Variants in GREM2 observed in about 807,000 individuals in gnomAD.
GREM2 encodes gremlin 2, DAN family BMP antagonist, also known as gremlin-2.
GREM2 carries 11 observed loss-of-function variants against 14.2 expected under a neutral mutation model. That is an observed-to-expected ratio of 0.78 (90% CI 0.49 to 1.28). The LOEUF (loss-of-function observed/expected upper bound fraction) is 1.28, where lower values mean the gene tolerates loss of function less well. Among genes scored for constraint, GREM2 ranks in the 50% most tolerant of loss-of-function variants. The pLI, the probability that GREM2 is intolerant of heterozygous loss-of-function variation, is 0.00. For missense variants in GREM2, 210 were observed against 218.5 expected (o/e 0.96, Z 0.24); for synonymous variants, 98 against 97.6 (o/e 1.00, Z -0.02).
At chr1:240,580,798 C>T (rs924726989) in intron 1 of GREM2, among the ~76,000 whole-genome samples, 1 of 152,206 alleles carries the variant, frequency 6.6e-6, no homozygotes, top group Non-Finnish European at 1.5e-5. Flanking sequence ...ATCTTAAACT[C>T]CTCACCTCAA....
intron 1 of GREM2, among the ~76,000 whole-genome samples, chr1:240,598,341 G>A (rs1679859927): frequency 6.6e-6 from 1 of 152,136 alleles, no homozygotes; most frequent in Non-Finnish European, 1.5e-5. Flanking sequence ...GTGGGATTTT[G>A]CATGCTACAC....
chr1:240,520,169 C>A (rs560890684), intron 1 of GREM2, among the ~76,000 whole-genome samples: 1 of 152,292 alleles, frequency 6.6e-6, no homozygotes, highest in South Asian at 2.1e-4. Context: ...AAGGCCAGCT[C>A]AAACTTACTT....
chr1:240,532,336 G>C (rs7547238), intron 1 of GREM2, among the ~76,000 whole-genome samples: 1 of 151,824 alleles, frequency 6.6e-6, no homozygotes, highest in African/African-American at 2.4e-5. Flanking sequence ...CACCTGCCTC[G>C]GCCTCCCAAA....
Position 240,547,528 on chromosome 1 carries a change from T to TAG in GREM2, c.-1-54053_-1-54052insCT, listed in dbSNP as rs1262049155. 4.1e-3 allele frequency among the ~76,000 whole-genome samples: 468 copies of TAG among 113,074 alleles called. 2 individuals carry two copies. Among genetic ancestry groups the TAG allele is most frequent in the East Asian group, 0.017 (65 of 3,756 alleles). The allele number at this position is 113,074 out of a possible 152,430, so 74.2% of individuals were successfully genotyped here. ...AAAAAAAAAAAAATATATATATATA[T>TAG]ATATATAGATAGATAGATAGATAGA... On this transcript the variant is annotated intron_variant, in intron 1 of 1. Coordinates refer to ENST00000318160, the MANE Select transcript of GREM2 (RefSeq NM_022469.4).
At chr1:240,541,492 T>G (rs982716046) in intron 1 of GREM2, among the ~76,000 whole-genome samples, 5 of 152,234 alleles carry the variant, frequency 3.3e-5, no homozygotes, top group African/African-American at 1.2e-4. Flanking sequence ...CTCCTGTACT[T>G]GCCATGTTCA....
intron 1 of GREM2, among the ~76,000 whole-genome samples, chr1:240,519,820 C>A (rs1558146809): frequency 6.6e-6 from 1 of 152,130 alleles, no homozygotes; most frequent in Non-Finnish European, 1.5e-5. Flanking sequence ...GTGGCTCACG[C>A]CTGTAATCCC....
At chr1:240,559,128 T>C (rs1678997248) in intron 1 of GREM2, among the ~76,000 whole-genome samples, 1 of 152,122 alleles carries the variant, frequency 6.6e-6, no homozygotes, top group Non-Finnish European at 1.5e-5. Context: ...AAATGTGACA[T>C]TTCAAACTAT....
chr1:240,496,871 G>A (rs1224299577), intron 1 of GREM2, among the ~76,000 whole-genome samples: 2 of 152,138 alleles, frequency 1.3e-5, no homozygotes, highest in African/African-American at 2.4e-5. Context: ...AATTAGCTGG[G>A]CGTGGTGGCA....
chr1:240,584,951 T>C (rs1286402775), intron 1 of GREM2, among the ~76,000 whole-genome samples: 1 of 152,098 alleles, frequency 6.6e-6, no homozygotes, highest in Non-Finnish European at 1.5e-5. Context: ...ATCCTTTCTG[T>C]CCATCCTTTG....
At chr1:240,509,579 G>T (rs991921800) in intron 1 of GREM2, among the ~76,000 whole-genome samples, 1 of 151,906 alleles carries the variant, frequency 6.6e-6, no homozygotes, top group Non-Finnish European at 1.5e-5. Context: ...TGTTGGTCAG[G>T]CTGGTCTCGA....
intron 1 of GREM2, among the ~76,000 whole-genome samples, chr1:240,573,723 G>C (rs957250536): frequency 1.3e-5 from 2 of 152,080 alleles, no homozygotes; most frequent in African/African-American, 4.8e-5. Flanking sequence ...CTTCCTTTGA[G>C]GACTGTGCTA....
chr1:240,524,951 C>T (rs1678189822), intron 1 of GREM2, among the ~76,000 whole-genome samples: 1 of 152,142 alleles, frequency 6.6e-6, no homozygotes, highest in South Asian at 2.1e-4. Flanking sequence ...GCCTAGTTCT[C>T]ACCTCCTGTC....
intron 1 of GREM2, among the ~76,000 whole-genome samples, chr1:240,522,674 C>T (rs769386405): frequency 3.7e-4 from 56 of 152,270 alleles, no homozygotes; most frequent in Non-Finnish European, 4.6e-4. Context: ...TGACAATTTT[C>T]TCTGGTGTTT....
chr1:240,563,170 AGTGT>A (rs201885420), intron 1 of GREM2, among the ~76,000 whole-genome samples: 16 of 145,412 alleles, frequency 1.1e-4, no homozygotes, highest in African/African-American at 3.9e-4. Flanking sequence ...TGTACGTGTG[AGTGT>A]GTGTATGTGT....
intron 1 of GREM2, among the ~76,000 whole-genome samples, chr1:240,579,681 A>G (rs1490418687): frequency 6.6e-6 from 1 of 152,200 alleles, no homozygotes; most frequent in Non-Finnish European, 1.5e-5. Context: ...GGATTGGACA[A>G]AATGCTCAGG....
intron 1 of GREM2, among the ~76,000 whole-genome samples, chr1:240,523,217 C>G (rs1185651967): frequency 1.3e-5 from 2 of 152,128 alleles, no homozygotes; most frequent in Non-Finnish European, 2.9e-5. Flanking sequence ...CTCAGCCTCC[C>G]GAGTAGCTGG....
At chr1:240,593,422 T>G (rs938725704) in intron 1 of GREM2, among the ~76,000 whole-genome samples, 3 of 151,752 alleles carry the variant, frequency 2.0e-5, no homozygotes, top group African/African-American at 7.3e-5. Flanking sequence ...TTCCACCAGT[T>G]ATGAGTTGGG....
intron 1 of GREM2, among the ~76,000 whole-genome samples, chr1:240,570,347 A>G (rs1679236798): frequency 6.6e-6 from 1 of 152,126 alleles, no homozygotes; most frequent in Non-Finnish European, 1.5e-5. Flanking sequence ...CTGTAGTCCC[A>G]GCTACTCGGG....
intron 1 of GREM2, among the ~76,000 whole-genome samples, chr1:240,564,566 A>G (rs370073134): frequency 6.6e-6 from 1 of 152,052 alleles, no homozygotes; most frequent in South Asian, 2.1e-4. Flanking sequence ...TTGAAGAGAG[A>G]TGATGATTTT....
Sources: gnomAD v4.1 joint callset for allele counts (sites outside exome capture counted in the v4.1 genomes callset) on GRCh38, gnomAD v4.1.1 for gene constraint, MANE v1.5 for transcripts, NCBI Gene and HGNC (gene_info 2026-07-23, HGNC 2026-07-21) for gene names.